Variants in LETM2 observed in about 807,000 individuals in gnomAD.
LETM2 encodes leucine zipper and EF-hand containing transmembrane protein 2, also known as LETM1 domain-containing protein LETM2, mitochondrial.
A neutral mutation model predicts 59.6 loss-of-function variants in LETM2; 58 were observed. The observed-to-expected ratio is 0.97, with a 90% CI of 0.79 to 1.21. The LOEUF (loss-of-function observed/expected upper bound fraction) is 1.21. LETM2 is among the 50% of genes most tolerant of loss of function. The probability of loss-of-function intolerance (pLI) is 0.00; values close to 1 mark genes in which losing one functional copy is unlikely to be tolerated. For missense variants in LETM2, 572 were observed against 575.7 expected (o/e 0.99, Z 0.07); for synonymous variants, 199 against 214.1 (o/e 0.93, Z 0.62).
At chr8:38,385,585 A>G (rs905048603), upstream of LETM2, among the ~76,000 whole-genome samples, 2 of 152,002 alleles carry the variant, frequency 1.3e-5, no homozygotes, top group Non-Finnish European at 2.9e-5. Flanking sequence ...TTTAGTAGAG[A>G]CAGGGTTTCA....
At chr8:38,393,203 A>G (rs1188345514) in intron 3 of LETM2, 1 of 516,286 alleles carries the variant, frequency 1.9e-6, no homozygotes, top group African/African-American at 1.9e-5. Flanking sequence ...TTCCTGTATA[A>G]CGGTTTTTAA....
At chr8:38,389,825 C>T (rs1812071053) in intron 2 of LETM2, among the ~76,000 whole-genome samples, 1 of 151,516 alleles carries the variant, frequency 6.6e-6, no homozygotes, top group South Asian at 2.1e-4. Context: ...GTGGTGAAAC[C>T]CCGTCTCTAC....
intron 5 of LETM2, 163 bp from the exon 6 acceptor site, chr8:38,400,690 A>G: frequency 1.4e-6 from 1 of 706,140 alleles, no homozygotes; most frequent in Non-Finnish European, 2.3e-6. Context: ...CAGCTGATGT[A>G]GTTTGACTTC....
intron 4 of LETM2, among the ~76,000 whole-genome samples, chr8:38,397,710 T>G (rs542101586): frequency 6.6e-6 from 1 of 152,212 alleles, no homozygotes; most frequent in African/African-American, 2.4e-5. Context: ...GATGACATGA[T>G]TAGATCTATG....
intron 8 of LETM2, among the ~76,000 whole-genome samples, chr8:38,405,917 T>C (rs1764988517): frequency 2.0e-5 from 3 of 152,218 alleles, no homozygotes; most frequent in Admixed American, 6.5e-5. Flanking sequence ...AAGCAAGTTA[T>C]TGGCTTTTTC....
intron 4 of LETM2, among the ~76,000 whole-genome samples, chr8:38,398,574 A>C (rs1812874413): frequency 6.6e-6 from 1 of 152,134 alleles, no homozygotes; most frequent in African/African-American, 2.4e-5. Flanking sequence ...TGTCTCTCCC[A>C]CTACACTAAA....
chr8:38,394,218 A>C lies in LETM2; in HGVS notation c.622A>C (p.Thr208Pro), dbSNP rs762551516. The C allele has an allele frequency of 1.9e-5, 29 of 1,491,034 alleles. No homozygotes were observed. The highest frequency in any genetic ancestry group is 4.2e-5 in the African/African-American group (3 of 71,038). The allele number at this position is 1,491,034 out of a possible 1,614,324, so 92.4% of individuals were successfully genotyped here. Residue 208 changes from threonine (T) to proline (P), a missense_variant, in exon 4 of 11, where the codon ACT becomes CCT. By Grantham distance (38) the Thr-to-Pro change is conservative. Transcript: ENST00000379957. ...LKLFPEMLPS[T>P]FESESKKEEK... is the part of the protein sequence containing the mutation. ...ACTCTTCCCAGAGATGTTGCCATCA[A>C]CTTTTGAAAGTGAATCCAAAAAGGT... is the stretch of plus-strand genomic sequence containing the variant.
upstream of LETM2, among the ~76,000 whole-genome samples, chr8:38,384,263 C>T (rs1434001345): frequency 2.6e-5 from 4 of 152,036 alleles, no homozygotes; most frequent in African/African-American, 9.7e-5. Flanking sequence ...TAAATTGTCC[C>T]CAGGGATCTT....
At chr8:38,394,027 GTTTT>G (rs1409014993) in intron 3 of LETM2, 67 bp from the exon 4 acceptor site, 29 of 1,235,466 alleles carry the variant, frequency 2.3e-5, no homozygotes, top group Non-Finnish European at 2.8e-5. Flanking sequence ...GGTTTTTTTG[GTTTT>G]GTTTTTCATT....
At position 38,388,027 on chromosome 8, in the gene LETM2, C is replaced by A; in HGVS notation, c.44C>A (p.Thr15Lys). Residue 15 changes from threonine (T) to lysine (K), a missense_variant, in exon 2 of 11, where the codon ACA becomes AAA. Physicochemically the swap from Thr to Lys is moderately conservative, Grantham distance 78 (BLOSUM62 -1). Coordinates refer to ENST00000379957, the MANE Select transcript of LETM2 (RefSeq NM_001286819.2). The part of the protein sequence containing the change: ...SYNSVLAIAR[T>K]RFPSHFVHPT... ...AATTCAGTTCTGGCTATTGCTCGAA[C>A]AAGGTAAGCATTGGAGTTACCCCCC... 2 of 1,521,562 alleles carry A rather than the reference C, an allele frequency of 1.3e-6. No homozygotes were observed. Among genetic ancestry groups the A allele is most frequent in the South Asian group, 1.2e-5 (1 of 83,532 alleles). 94.3% of individuals were successfully genotyped at this position (1,521,562 alleles called of 1,614,324 possible).
In LETM2 at chr8:38,404,507, G is replaced by GT; in HGVS notation, c.1218+2dup. 6.2e-7 allele frequency: 1 copy of GT among 1,600,804 alleles called. No homozygotes were observed. ...GATTGAGATACCACTCAGTGGGGAG[G>GT]TGAGTACCTGGGTTAATGGGGACCC... On this transcript the variant is annotated splice_donor_variant, in intron 8 of 10. Coordinates refer to ENST00000379957, the MANE Select transcript of LETM2 (RefSeq NM_001286819.2). LOFTEE classifies it high-confidence loss of function.
chr8:38,402,881 T>C (rs1189392820), intron 7 of LETM2, among the ~76,000 whole-genome samples: 1 of 152,204 alleles, frequency 6.6e-6, no homozygotes, highest in Non-Finnish European at 1.5e-5. Context: ...ACAACACTGG[T>C]ATATTAGCTC....
chr8:38,407,597 G>A lies in LETM2; in HGVS notation c.1413+134G>A, dbSNP rs1027808181. ...CTTCCTGTTGTCCAAACAGGAAATT[G>A]TAGGCCAAACTTTAGTCATCTTGTA... On this transcript the variant is annotated intron_variant, in intron 10 of 10. Coordinates refer to ENST00000379957, the MANE Select transcript of LETM2 (RefSeq NM_001286819.2). The A allele has an allele frequency of 2.2e-5, 14 of 648,204 alleles. No homozygotes were observed. The African/African-American group carries it at 2.4e-4, about 11-fold the overall frequency. 40.2% of individuals were successfully genotyped at this position (648,204 alleles called of 1,614,324 possible). A position where few individuals can be genotyped will look rare whatever the true frequency, so the allele number is the denominator to read the frequency against.
At chr8:38,388,720 C>CA (rs113618665) in intron 2 of LETM2, among the ~76,000 whole-genome samples, 30,805 of 133,798 alleles carry the variant, frequency 0.23, 3,515 homozygotes, top group East Asian at 0.32. Context: ...AAATCCATCT[C>CA]AAAAAAAAAA....
chr8:38,402,417 G>A, intron 6 of LETM2, 108 bp from the exon 7 acceptor site: 1 of 1,307,034 alleles, frequency 7.7e-7, no homozygotes, highest in South Asian at 1.3e-5. Flanking sequence ...CAGTGCAGGG[G>A]ACAAAGCATC....
chr8:38,397,228 G>A, intron 4 of LETM2: 1 of 446,434 alleles, frequency 2.2e-6, no homozygotes, highest in Non-Finnish European at 4.5e-6. Flanking sequence ...CCGGGCTGGA[G>A]TGCAGTGGCA....
At chr8:38,391,323 T>TTTTTA (rs1812251277) in intron 2 of LETM2, among the ~76,000 whole-genome samples, 1 of 146,956 alleles carries the variant, frequency 6.8e-6, no homozygotes, top group Admixed American at 6.7e-5. Context: ...TTTTTTTTTT[T>TTTTTA]AGACAAGTCT....
In LETM2 at chr8:38,407,054, T is replaced by C. The variant is rs758452073; in HGVS notation, c.1311+16T>C. ...GGGAACTAAGGTTAGACAGTTACTT[T>C]CCATTTGGTTAATTAGATTAAAAAA... is the stretch of plus-strand genomic sequence containing the variant. On this transcript the variant is annotated intron_variant, in intron 9 of 10. Coordinates refer to ENST00000379957, the MANE Select transcript of LETM2 (RefSeq NM_001286819.2). 4 of 1,504,144 alleles carry C rather than the reference T, an allele frequency of 2.7e-6. No individual in the cohort carries two copies. 93.2% of individuals were successfully genotyped at this position (1,504,144 alleles called of 1,614,324 possible).
At chr8:38,389,023 C>T (rs541419757) in intron 2 of LETM2, among the ~76,000 whole-genome samples, 46 of 152,160 alleles carry the variant, frequency 3.0e-4, no homozygotes, top group Middle Eastern at 3.4e-3. Flanking sequence ...GCCTGGGCTT[C>T]CCAAAGTGCT....
Sources: gnomAD v4.1 joint callset for allele counts (sites outside exome capture counted in the v4.1 genomes callset) on GRCh38, gnomAD v4.1.1 for gene constraint, MANE v1.5 for transcripts, NCBI Gene and HGNC (gene_info 2026-07-23, HGNC 2026-07-21) for gene names.